The following SUSD1 variants were observed in gnomAD, a reference collection of about 807,000 sequenced individuals.
The protein encoded by SUSD1 is sushi domain containing 1, also known as sushi domain-containing protein 1.
A neutral mutation model predicts 86.9 loss-of-function variants in SUSD1; 65 were observed. The observed-to-expected ratio is 0.75, with a 90% CI of 0.61 to 0.92. The LOEUF is 0.92. Among genes scored for constraint, SUSD1 ranks in the 40% least tolerant of loss-of-function variants. The pLI is 0.00. For missense variants in SUSD1, 850 were observed against 929.7 expected (o/e 0.91, Z 1.11); for synonymous variants, 346 against 350.0 (o/e 0.99, Z 0.13).
chr9:112,102,622 T>C (rs1355062279), intron 8 of SUSD1, among the ~76,000 whole-genome samples: 1 of 152,232 alleles, frequency 6.6e-6, no homozygotes, highest in East Asian at 1.9e-4. Context: ...AGAAAGTTAA[T>C]CCTATCGCTT....
intron 6 of SUSD1, among the ~76,000 whole-genome samples, chr9:112,114,087 C>T (rs535345479): frequency 2.6e-5 from 4 of 152,048 alleles, no homozygotes; most frequent in Non-Finnish European, 5.9e-5. Context: ...AGTGAGGTTG[C>T]GGGATACAAG....
At chr9:112,103,059 C>A in intron 8 of SUSD1, 1 of 385,262 alleles carries the variant, frequency 2.6e-6, no homozygotes, top group South Asian at 2.0e-5. Flanking sequence ...TCCCAACAAA[C>A]AAGACTGCAT....
intron 12 of SUSD1, among the ~76,000 whole-genome samples, chr9:112,064,791 G>A (rs550476490): frequency 1.7e-4 from 25 of 151,086 alleles, no homozygotes; most frequent in Non-Finnish European, 3.4e-4. Context: ...CAGGAGAATC[G>A]CTTGAACCGG....
chr9:112,135,816 C>T (rs934986880), intron 5 of SUSD1, among the ~76,000 whole-genome samples: 2 of 152,168 alleles, frequency 1.3e-5, no homozygotes, highest in African/African-American at 4.8e-5. Flanking sequence ...GGCACAGGGC[C>T]AAGGGCTTTA....
At chr9:112,110,531 C>T (rs938508995) in intron 8 of SUSD1, among the ~76,000 whole-genome samples, 1 of 151,598 alleles carries the variant, frequency 6.6e-6, no homozygotes, top group African/African-American at 2.4e-5. Context: ...GGACTATAGG[C>T]ATGCACCATC....
chr9:112,130,904 T>A (rs1244000586), intron 5 of SUSD1, among the ~76,000 whole-genome samples: 1 of 151,344 alleles, frequency 6.6e-6, no homozygotes, highest in Admixed American at 6.6e-5. Flanking sequence ...ATGCCTGTAG[T>A]CCCAGCTACT....
chr9:112,052,043 C>T (rs902487944), intron 15 of SUSD1: 17 of 838,574 alleles, frequency 2.0e-5, no homozygotes, highest in Middle Eastern at 2.7e-4. Context: ...CGGTAAGCTG[C>T]GGGAGCTTGC....
intron 12 of SUSD1, among the ~76,000 whole-genome samples, chr9:112,064,908 C>G (rs754375763): frequency 6.6e-6 from 1 of 151,594 alleles, no homozygotes; most frequent in African/African-American, 2.4e-5. Context: ...GCCTCAGACC[C>G]AAACCAGTTT....
intron 6 of SUSD1, among the ~76,000 whole-genome samples, chr9:112,120,810 G>A (rs893422171): frequency 6.6e-6 from 1 of 152,136 alleles, no homozygotes; most frequent in Non-Finnish European, 1.5e-5. Context: ...TTTTTCATGC[G>A]GTGACTAATT....
intron 15 of SUSD1, among the ~76,000 whole-genome samples, chr9:112,042,962 T>G (rs1025174124): frequency 1.3e-5 from 2 of 152,162 alleles, no homozygotes; most frequent in Non-Finnish European, 2.9e-5. Flanking sequence ...CCGAGAAAAT[T>G]ATAACCGTGA....
At position 112,143,958 on chromosome 9, in the gene SUSD1, GAC is replaced by G. The variant is rs534053092; in HGVS notation, c.374-337_374-336del. Among the ~76,000 whole-genome samples, 807 of 152,120 alleles carry G rather than the reference GAC, an allele frequency of 5.3e-3. 5 individuals carry two copies. Among genetic ancestry groups the G allele is most frequent in the African/African-American group, 0.015 (629 of 41,532 alleles). On this transcript the variant is annotated intron_variant, in intron 3 of 16. Transcript: ENST00000374270. ...ATATCCAATCACTAAAAAATATCCTGACCGGGCATGGTGGCTCACACCTGTAA... is the reference window on the plus strand; with the variant it reads ...ATATCCAATCACTAAAAAATATCCTGCGGGCATGGTGGCTCACACCTGTAA...
chr9:112,148,799 A>G (rs989465010), intron 3 of SUSD1, among the ~76,000 whole-genome samples: 2 of 151,938 alleles, frequency 1.3e-5, no homozygotes, highest in African/African-American at 4.8e-5. Context: ...CCAGCTACTT[A>G]GGAAGCTGAG....
Position 112,041,420 on chromosome 9 carries a change from C to A in SUSD1, c.*72G>T. On this transcript the variant is annotated 3_prime_UTR_variant, in exon 17 of 17. Transcript: ENST00000374270. ...ACGGAAGTCACACGGAGCCTCTGTG[C>A]GGGCACCTGAGAAGCTGCCAGAACA... 1 of 779,864 alleles carries A rather than the reference C, an allele frequency of 1.3e-6. No homozygotes were observed. The highest frequency in any genetic ancestry group is 2.4e-6 in the Non-Finnish European group (1 of 417,876). The allele number at this position is 779,864 out of a possible 1,614,324, so 48.3% of individuals were successfully genotyped here.
intron 15 of SUSD1, 111 bp downstream of exon 15, chr9:112,052,288 G>T: frequency 6.3e-7 from 1 of 1,594,544 alleles, no homozygotes. Context: ...AAAGTAGTAT[G>T]AATTGGGTTC....
chr9:112,076,064 G>A (rs899769719), intron 12 of SUSD1, among the ~76,000 whole-genome samples: 6 of 152,238 alleles, frequency 3.9e-5, no homozygotes, highest in Admixed American at 2.6e-4. Context: ...GTCCTATGAT[G>A]AGGAACTTGG....
chr9:112,135,071 A>G (rs1178205867), intron 5 of SUSD1, among the ~76,000 whole-genome samples: 2 of 152,080 alleles, frequency 1.3e-5, no homozygotes, highest in East Asian at 3.8e-4. Context: ...CTCAAAAAAA[A>G]AAAAGAAAAG....
At chr9:112,143,709 T>C in intron 3 of SUSD1, 86 bp from the exon 4 acceptor site, 1 of 1,367,882 alleles carries the variant, frequency 7.3e-7, no homozygotes, top group Non-Finnish European at 9.9e-7. Flanking sequence ...AGCCATTTTT[T>C]CACATTTTCA....
At chr9:112,169,521 C>G (rs1833952434) in intron 1 of SUSD1, 1 of 152,240 alleles carries the variant, frequency 6.6e-6, no homozygotes, top group Non-Finnish European at 1.5e-5. Context: ...CAGTGGGGCC[C>G]CCACACCTGG....
At chr9:112,094,032 C>T (rs16916661) in intron 10 of SUSD1, among the ~76,000 whole-genome samples, 3,027 of 152,160 alleles carry the variant, frequency 0.02, 98 homozygotes, top group African/African-American at 0.069. Flanking sequence ...TAGAGCAATG[C>T]GACTCAAAAT....
Sources: gnomAD v4.1 joint callset for allele counts (sites outside exome capture counted in the v4.1 genomes callset) on GRCh38, gnomAD v4.1.1 for gene constraint, MANE v1.5 for transcripts, NCBI Gene and HGNC (gene_info 2026-07-23, HGNC 2026-07-21) for gene names.